The following BRSK1 variants were observed in gnomAD, a reference collection of about 807,000 sequenced individuals.
The protein encoded by BRSK1 is BR serine/threonine kinase 1.
A neutral mutation model predicts 86.2 loss-of-function variants in BRSK1; 17 were observed. The ratio of observed to expected loss-of-function variants is 0.20; its 90% CI spans 0.14 to 0.30. BRSK1 has a LOEUF of 0.30. BRSK1 is among the 10% of genes least tolerant of loss of function. The pLI, the probability that BRSK1 is intolerant of heterozygous loss-of-function variation, is 1.00. For synonymous variants in BRSK1, 464 were observed against 440.1 expected (o/e 1.05, Z -0.68); for missense variants, 719 against 1,071.9 (o/e 0.67, Z 4.60).
chr19:55,287,405 T>C lies in BRSK1; in HGVS notation c.317+106T>C. ...TAGGGGGACCTGGGGGACCTGCAGC[T>C]CTCCAGGCTGGACCGCTGAAGGCCC... is the stretch of plus-strand genomic sequence containing the variant. On this transcript the variant is annotated intron_variant, in intron 3 of 18. Coordinates refer to ENST00000309383, the MANE Select transcript of BRSK1 (RefSeq NM_032430.2). This position sits in a 1 kb window ranked among gnomAD's most constrained non-coding sequence, Gnocchi z 5.3. 1 of 1,073,316 alleles carries C rather than the reference T, an allele frequency of 9.3e-7. No individual in the cohort carries two copies. The highest frequency in any genetic ancestry group is 1.9e-5 in the Admixed American group (1 of 52,474). The allele number at this position is 1,073,316 out of a possible 1,614,324, so 66.5% of individuals were successfully genotyped here. A position where few individuals can be genotyped will look rare whatever the true frequency, so the allele number is the denominator to read the frequency against.
intron 8 of BRSK1, 24 bp downstream of exon 8, chr19:55,301,682 G>C (rs1287816309): frequency 6.2e-7 from 1 of 1,606,348 alleles, no homozygotes; most frequent in East Asian, 2.2e-5. Context: ...GGGACCGGCG[G>C]AGGGGGGAAC....
At chr19:55,301,000 A>G (rs1017548857) in intron 7 of BRSK1, among the ~76,000 whole-genome samples, 1 of 148,524 alleles carries the variant, frequency 6.7e-6, no homozygotes, top group African/African-American at 2.4e-5. Context: ...CCGTCATCAC[A>G]TGACTGTTCT....
At position 55,284,059 on chromosome 19, in the gene BRSK1, A is replaced by T; in HGVS notation, c.-384A>T. ...GTGGCGGGGGGAGGCGGAGAGGAGGAGGAGGCGGAGGAGAGAGGGCGCGTG... is the reference window on the plus strand; with the variant it reads ...GTGGCGGGGGGAGGCGGAGAGGAGGTGGAGGCGGAGGAGAGAGGGCGCGTG... On this transcript the variant is annotated 5_prime_UTR_variant, in exon 1 of 19. Coordinates refer to ENST00000309383, the MANE Select transcript of BRSK1 (RefSeq NM_032430.2). 1 of 797,590 alleles carries T rather than the reference A, an allele frequency of 1.3e-6. No homozygotes were observed. The highest frequency in any genetic ancestry group is 1.6e-6 in the Non-Finnish European group (1 of 632,794). 49.4% of individuals were successfully genotyped at this position (797,590 alleles called of 1,614,324 possible). A position where few individuals can be genotyped will look rare whatever the true frequency, so the allele number is the denominator to read the frequency against.
At position 55,284,497 on chromosome 19, in the gene BRSK1, C is replaced by CA; in HGVS notation, c.56dup (p.His19GlnfsTer31). ...GGGCTCTCCCGCCTACCACCTCCCCCACCCCCACCCCCACCCACCCCAGCA... is the reference window on the plus strand; with the variant it reads ...GGGCTCTCCCGCCTACCACCTCCCCCAACCCCCACCCCCACCCACCCCAGCA... On this transcript the variant is annotated frameshift_variant, in exon 1 of 19. Transcript: ENST00000309383. LOFTEE classifies it high-confidence loss of function. 3.8e-6 allele frequency: 4 copies of CA among 1,063,510 alleles called. No individual in the cohort carries two copies. Among genetic ancestry groups the CA allele is most frequent in the Non-Finnish European group, 5.1e-6 (4 of 782,458 alleles). The allele number at this position is 1,063,510 out of a possible 1,614,324, so 65.9% of individuals were successfully genotyped here.
chr19:55,299,916 A>G (rs1182310125), intron 7 of BRSK1, among the ~76,000 whole-genome samples: 1 of 152,058 alleles, frequency 6.6e-6, no homozygotes, highest in African/African-American at 2.4e-5. Flanking sequence ...ACACCCGGAA[A>G]AGCCCTCAAA....
Position 55,304,518 on chromosome 19 carries a change from C to G in BRSK1, c.1348-33C>G. The G allele has an allele frequency of 6.6e-7, 1 of 1,515,872 alleles. No homozygotes were observed. Among genetic ancestry groups the G allele is most frequent in the Non-Finnish European group, 8.8e-7 (1 of 1,137,460 alleles). 93.9% of individuals were successfully genotyped at this position (1,515,872 alleles called of 1,614,324 possible). ...CTAGAGCCTCCTGGGAGTTGTAGTC[C>G]ACTCGCTTATCTCAGTCTCCTGTCC... On this transcript the variant is annotated intron_variant, in intron 13 of 18. Transcript: ENST00000309383. The surrounding 1 kb of genome is among the most constrained non-coding windows in gnomAD (Gnocchi z 5.2).
rs1486125413 is a variant in BRSK1, at chr19:55,294,721, C to A, written c.678+324C>A. Among the ~76,000 whole-genome samples the A allele has an allele frequency of 6.6e-6, 1 of 152,046 alleles. No individual in the cohort carries two copies. The highest frequency in any genetic ancestry group is 1.5e-5 in the Non-Finnish European group (1 of 68,002). On this transcript the variant is annotated intron_variant, in intron 7 of 18. Transcript: ENST00000309383. The surrounding 1 kb of genome is among the most constrained non-coding windows in gnomAD (Gnocchi z 4.9). ...TTCGCCATATTGGCCAGGCTGGTCT[C>A]CAACTCCTGACCTCAGGTGATCCAC...
At position 55,310,871 on chromosome 19, in the gene BRSK1, TG is replaced by T. The variant is rs553717327; in HGVS notation, c.2180-1034del. Among the ~76,000 whole-genome samples the T allele has an allele frequency of 6.6e-6, 1 of 152,104 alleles. No individual in the cohort carries two copies. The highest frequency in any genetic ancestry group is 1.9e-4 in the East Asian group (1 of 5,186). ...GAAGATGTAGGACTAACAGGCACCC[TG>T]GGGGGCTCAGCCACCATCTCATAAA... On this transcript the variant is annotated intron_variant, in intron 18 of 18. Coordinates refer to ENST00000309383, the MANE Select transcript of BRSK1 (RefSeq NM_032430.2). This position sits in a 1 kb window ranked among gnomAD's most constrained non-coding sequence, Gnocchi z 5.0.
Position 55,306,588 on chromosome 19 carries a change from G to T in BRSK1, c.2089+138G>T. The T allele has an allele frequency of 1.0e-6, 1 of 963,332 alleles. No individual in the cohort carries two copies. Among genetic ancestry groups the T allele is most frequent in the Middle Eastern group, 3.3e-4 (1 of 3,052 alleles). 59.7% of individuals were successfully genotyped at this position (963,332 alleles called of 1,614,324 possible). A position where few individuals can be genotyped will look rare whatever the true frequency, so the allele number is the denominator to read the frequency against. On this transcript the variant is annotated intron_variant, in intron 17 of 18. Coordinates refer to ENST00000309383, the MANE Select transcript of BRSK1 (RefSeq NM_032430.2). The surrounding 1 kb of genome is among the most constrained non-coding windows in gnomAD (Gnocchi z 4.7). ...GGTGCCGACTCTCTGTGCTCCTCCT[G>T]CCCACACAGACCGCCCCACAAGCCC... is the stretch of plus-strand genomic sequence containing the variant.
chr19:55,307,395 C>A (rs1001549276), intron 17 of BRSK1, among the ~76,000 whole-genome samples: 3 of 151,618 alleles, frequency 2.0e-5, no homozygotes, highest in African/African-American at 7.3e-5. Flanking sequence ...CTAAAAATAC[C>A]AAAATAAGCC....
Position 55,303,804 on chromosome 19 carries a change from GAGA to G in BRSK1, c.1265_1267del (p.Glu422_Met423delinsVal). The G allele has an allele frequency of 6.3e-7, 1 of 1,593,750 alleles. No individual in the cohort carries two copies. Among genetic ancestry groups the G allele is most frequent in the Non-Finnish European group, 8.6e-7 (1 of 1,169,282 alleles). On this transcript the variant is annotated inframe_deletion, in exon 12 of 19. Transcript: ENST00000309383. The surrounding 1 kb of genome is among the most constrained non-coding windows in gnomAD (Gnocchi z 5.1). Reference sequence around the variant, plus strand: ...CCCTGTACCCACCCGACGGGCCTTGGAGATGGCCCAGCACAGCCAGAGGTGGGA... The same window carrying G: ...CCCTGTACCCACCCGACGGGCCTTGGTGGCCCAGCACAGCCAGAGGTGGGA...
intron 18 of BRSK1, 84 bp downstream of exon 18, chr19:55,308,812 GT>G (rs2088715402): frequency 3.4e-6 from 1 of 289,858 alleles, no homozygotes; most frequent in Non-Finnish European, 6.3e-6. Flanking sequence ...GGGGGCGTGG[GT>G]GGCGGGGGGC....
chr19:55,310,864 G>A lies in BRSK1; in HGVS notation c.2180-1047G>A, dbSNP rs1395758202. On this transcript the variant is annotated intron_variant, in intron 18 of 18. Coordinates refer to ENST00000309383, the MANE Select transcript of BRSK1 (RefSeq NM_032430.2). The surrounding 1 kb of genome is among the most constrained non-coding windows in gnomAD (Gnocchi z 5.0). ...CACCCTGGAAGATGTAGGACTAACAGGCACCCTGGGGGGCTCAGCCACCAT... is the reference window on the plus strand; with the variant it reads ...CACCCTGGAAGATGTAGGACTAACAAGCACCCTGGGGGGCTCAGCCACCAT... Among the ~76,000 whole-genome samples, 2 of 152,174 alleles carry A rather than the reference G, an allele frequency of 1.3e-5. No homozygotes were observed. The highest frequency in any genetic ancestry group is 6.5e-5 in the Admixed American group (1 of 15,268).
At position 55,295,091 on chromosome 19, in the gene BRSK1, C is replaced by T. The variant is rs191288344; in HGVS notation, c.678+694C>T. ...TGCTGGGATTACAAGTATGAGCCAT[C>T]GTGCCCGGCAGCTGAATTTATTTTA... On this transcript the variant is annotated intron_variant, in intron 7 of 18. Coordinates refer to ENST00000309383, the MANE Select transcript of BRSK1 (RefSeq NM_032430.2). Among the ~76,000 whole-genome samples, 837 of 151,998 alleles carry T rather than the reference C, an allele frequency of 5.5e-3. 4 individuals are homozygous for T. The highest frequency in any genetic ancestry group is 0.018 in the African/African-American group (760 of 41,486).
Position 55,284,254 on chromosome 19 carries a change from GC to G in BRSK1, c.-182del, listed in dbSNP as rs983168305. The stretch of plus-strand genomic sequence containing the variant: ...CCCGGGGCCTGACCCCCCCGGGCCA[GC>G]CCCCCCTCCCCCAGCTCCGCGGCCC... On this transcript the variant is annotated 5_prime_UTR_variant, in exon 1 of 19. Transcript: ENST00000309383. The G allele has an allele frequency of 1.7e-5, 8 of 460,332 alleles. No homozygotes were observed. The highest frequency in any genetic ancestry group is 6.1e-5 in the African/African-American group (3 of 48,986). 28.5% of individuals were successfully genotyped at this position (460,332 alleles called of 1,614,324 possible).
intron 8 of BRSK1, 84 bp downstream of exon 8, chr19:55,301,742 C>G: frequency 6.8e-7 from 1 of 1,470,930 alleles, no homozygotes; most frequent in East Asian, 2.4e-5. Context: ...GGATGGGTTT[C>G]CAGAACCTGC....
intron 7 of BRSK1, among the ~76,000 whole-genome samples, chr19:55,296,138 C>T (rs1438938623): frequency 1.3e-5 from 2 of 152,026 alleles, no homozygotes; most frequent in Non-Finnish European, 2.9e-5. Context: ...TTCCCCTGCC[C>T]CCACTCCTCC....
chr19:55,291,722 TTGA>T (rs1259188633), intron 4 of BRSK1, among the ~76,000 whole-genome samples: 1 of 152,160 alleles, frequency 6.6e-6, no homozygotes, highest in Non-Finnish European at 1.5e-5. Flanking sequence ...TGGGTAAAGC[TTGA>T]TGATAAAAAG....
At position 55,306,429 on chromosome 19, in the gene BRSK1, G is replaced by A. The variant is rs773668150; in HGVS notation, c.2068G>A (p.Val690Ile). 11 of 1,613,154 alleles carry A rather than the reference G, an allele frequency of 6.8e-6. No homozygotes were observed. Among genetic ancestry groups the A allele is most frequent in the Admixed American group, 5.0e-5 (3 of 59,994 alleles). The change falls in exon 17 of 19, where the codon GTC becomes ATC. Residue 690 changes from valine to isoleucine, a missense_variant. Coordinates refer to ENST00000309383, the MANE Select transcript of BRSK1 (RefSeq NM_032430.2). This position sits in a 1 kb window ranked among gnomAD's most constrained non-coding sequence, Gnocchi z 4.7. The part of the protein sequence containing the change: ...DGSGGGGIYS[V>I]TFTLISGPSR... ...CAGCGGAGGTGGTGGCATCTACTCC[G>A]TCACCTTCACTCTCATCTCGGGTGA...
Sources: allele counts gnomAD v4.1 joint callset (sites outside exome capture counted in the v4.1 genomes callset), GRCh38; gene constraint gnomAD v4.1.1; non-coding constraint Gnocchi (gnomAD v3.1); transcripts MANE v1.5; gene names NCBI Gene and HGNC (gene_info 2026-07-23, HGNC 2026-07-21).